Variants in FHIT observed in about 807,000 individuals in gnomAD.
FHIT encodes the protein bis(5'-adenosyl)-triphosphatase.
A neutral mutation model predicts 17.9 loss-of-function variants in FHIT; 19 were observed. That is an observed-to-expected ratio of 1.06 (90% CI 0.74 to 1.56). The LOEUF is 1.56. Ranked by LOEUF, FHIT falls within the 40% of genes most tolerant of loss-of-function variation. FHIT has a pLI of 0.00. For synonymous variants in FHIT, 81 were observed against 69.7 expected (o/e 1.16, Z -0.81); for missense variants, 248 against 189.2 (o/e 1.31, Z -1.82).
intron 5 of FHIT, among the ~76,000 whole-genome samples, chr3:60,237,691 G>A (rs897335189): frequency 3.3e-5 from 5 of 152,240 alleles, no homozygotes; most frequent in African/African-American, 1.2e-4. Context: ...CATTCGGTTT[G>A]CAGTTTTCCA....
At chr3:59,938,022 T>A (rs1445414870) in intron 7 of FHIT, among the ~76,000 whole-genome samples, 1 of 152,116 alleles carries the variant, frequency 6.6e-6, no homozygotes, top group African/African-American at 2.4e-5. Flanking sequence ...AGCTGCAACT[T>A]TTTGCAAGGG....
intron 5 of FHIT, among the ~76,000 whole-genome samples, chr3:60,387,717 A>G (rs1701067315): frequency 6.6e-6 from 1 of 152,062 alleles, no homozygotes; most frequent in Non-Finnish European, 1.5e-5. Context: ...CTTTGAAGCG[A>G]CTATACCCTC....
intron 5 of FHIT, among the ~76,000 whole-genome samples, chr3:60,103,559 G>A (rs1394451559): frequency 1.3e-5 from 2 of 152,116 alleles, no homozygotes; most frequent in African/African-American, 2.4e-5. Flanking sequence ...ACAAGTAGAA[G>A]GTAAGGATTA....
chr3:60,511,342 T>C (rs755907610), intron 5 of FHIT, among the ~76,000 whole-genome samples: 1 of 152,134 alleles, frequency 6.6e-6, no homozygotes, highest in Non-Finnish European at 1.5e-5. Context: ...TCGACACCCT[T>C]CAGAATGTCT....
intron 8 of FHIT, among the ~76,000 whole-genome samples, chr3:59,790,449 G>A (rs562034342): frequency 6.6e-6 from 1 of 152,106 alleles, no homozygotes; most frequent in South Asian, 2.1e-4. Context: ...AGTAAGAGCA[G>A]CTTCCCTAAC....
chr3:60,797,474 A>G (rs1424255103), intron 4 of FHIT, among the ~76,000 whole-genome samples: 1 of 130,564 alleles, frequency 7.7e-6, no homozygotes, highest in Admixed American at 7.6e-5. Flanking sequence ...TAGTAGTAGT[A>G]GTAGTAGTAG....
chr3:59,936,778 T>C lies in FHIT; in HGVS notation c.280-14364A>G, dbSNP rs566869190. On this transcript the variant is annotated intron_variant, in intron 7 of 9. Transcript: ENST00000492590. ...CCTCCAGAGACAGTAACATAGTAAT[T>C]ATGGAGACAGCACTTCCTAATTATC... Among the ~76,000 whole-genome samples, 104 of 152,216 alleles carry C rather than the reference T, an allele frequency of 6.8e-4. 1 individual carries two copies. Among genetic ancestry groups the C allele is most frequent in the Non-Finnish European group, 1.3e-3 (87 of 68,004 alleles).
chr3:60,660,729 C>CTTTTTTTTTTTTTTTTCTTTTTTTTTTT (rs2040223892), intron 4 of FHIT, among the ~76,000 whole-genome samples: 1 of 37,278 alleles, frequency 2.7e-5, no homozygotes, highest in Non-Finnish European at 5.5e-5. Flanking sequence ...TTATTGTGCT[C>CTTTTTTTTTTTTTTTTCTTTTTTTTTTT]TTTTTTTTTT....
chr3:60,296,369 C>G (rs1332089750), intron 5 of FHIT, among the ~76,000 whole-genome samples: 1 of 152,112 alleles, frequency 6.6e-6, no homozygotes, highest in African/African-American at 2.4e-5. Flanking sequence ...TTGTCACTCT[C>G]ATAGATGTGC....
At chr3:60,241,460 T>C (rs894053658) in intron 5 of FHIT, among the ~76,000 whole-genome samples, 2 of 152,148 alleles carry the variant, frequency 1.3e-5, no homozygotes, top group African/African-American at 4.8e-5. Context: ...ATGAAAAAAA[T>C]ATTTATTTAC....
rs79790917 is a variant in FHIT at position 60,071,060 on chromosome 3, C to T, written c.104-56908G>A. Among the ~76,000 whole-genome samples the T allele has an allele frequency of 4.5e-3, 692 of 152,300 alleles. 2 individuals carry two copies. Among genetic ancestry groups the T allele is most frequent in the African/African-American group, 0.016 (671 of 41,572 alleles). On this transcript the variant is annotated intron_variant, in intron 5 of 9. Coordinates refer to ENST00000492590, the MANE Select transcript of FHIT (RefSeq NM_002012.4). ...TCAGCAAAGCCCCTTCTTATAGGAT[C>T]CTCCCTCTATATTTCCACCCTCATC...
intron 5 of FHIT, among the ~76,000 whole-genome samples, chr3:60,191,508 A>G (rs1408577418): frequency 1.3e-5 from 2 of 152,158 alleles, no homozygotes; most frequent in African/African-American, 4.8e-5. Context: ...TCACATACAA[A>G]ACCACATCAT....
intron 5 of FHIT, among the ~76,000 whole-genome samples, chr3:60,400,465 C>T (rs1327824733): frequency 1.3e-5 from 2 of 152,150 alleles, no homozygotes; most frequent in East Asian, 3.9e-4. Context: ...TATCTCTATA[C>T]CTCCAGGAAA....
intron 7 of FHIT, 112 bp downstream of exon 7, chr3:60,011,259 C>A: frequency 1.0e-6 from 1 of 978,186 alleles, no homozygotes. Flanking sequence ...GTCTCTCTGA[C>A]CTCGAAGATA....
intron 4 of FHIT, among the ~76,000 whole-genome samples, chr3:60,609,865 CA>C (rs2038732011): frequency 6.6e-6 from 1 of 152,266 alleles, no homozygotes; most frequent in Non-Finnish European, 1.5e-5. Context: ...ATACCCAAAG[CA>C]CATGCATAAA....
At chr3:60,749,263 C>T (rs1251014883) in intron 4 of FHIT, among the ~76,000 whole-genome samples, 1 of 152,060 alleles carries the variant, frequency 6.6e-6, no homozygotes, top group Non-Finnish European at 1.5e-5. Context: ...CCTCATTTCC[C>T]AGAAGTTTCT....
chr3:60,491,390 C>T (rs2034059671), intron 5 of FHIT, among the ~76,000 whole-genome samples: 1 of 150,950 alleles, frequency 6.6e-6, no homozygotes, highest in African/African-American at 2.4e-5. Context: ...CGAAAAGCTA[C>T]AATTATATTT....
At chr3:60,154,804 AT>A in intron 5 of FHIT, among the ~76,000 whole-genome samples, 1 of 152,340 alleles carries the variant, frequency 6.6e-6, no homozygotes, top group South Asian at 2.1e-4. Flanking sequence ...CAAACAGTCA[AT>A]TTATATTTAA....
chr3:61,244,855 T>G (rs1049363034), intron 1 of FHIT, among the ~76,000 whole-genome samples: 5 of 152,310 alleles, frequency 3.3e-5, no homozygotes, highest in Middle Eastern at 3.4e-3. Flanking sequence ...TTACCAGTTT[T>G]GGGGGTCTTC....
Sources: allele counts gnomAD v4.1 joint callset (sites outside exome capture counted in the v4.1 genomes callset), GRCh38; gene constraint gnomAD v4.1.1; transcripts MANE v1.5; gene names NCBI Gene and HGNC (gene_info 2026-07-23, HGNC 2026-07-21).